Variants in C1orf21 observed in about 807,000 individuals in gnomAD.
C1orf21 encodes uncharacterized protein C1orf21.
A neutral mutation model predicts 18.7 loss-of-function variants in C1orf21; 3 were observed. The observed-to-expected ratio is 0.16, with a 90% CI of 0.07 to 0.42. C1orf21 has a LOEUF of 0.42. Among genes scored for constraint, C1orf21 ranks in the 10% least tolerant of loss-of-function variants. C1orf21 has a pLI of 0.99. For missense variants in C1orf21, 104 were observed against 143.6 expected (o/e 0.72, Z 1.41); for synonymous variants, 41 against 46.4 (o/e 0.88, Z 0.47).
chr1:184,589,939 C>G (rs1156962253), intron 3 of C1orf21, among the ~76,000 whole-genome samples: 1 of 152,176 alleles, frequency 6.6e-6, no homozygotes, highest in East Asian at 1.9e-4. Context: ...TTAATTGTGG[C>G]CTTACCTCAA....
intron 3 of C1orf21, among the ~76,000 whole-genome samples, chr1:184,554,973 C>A (rs529789480): frequency 6.6e-6 from 1 of 152,252 alleles, no homozygotes; most frequent in South Asian, 2.1e-4. Flanking sequence ...GCTAGAGTAG[C>A]CTCTATCAGC....
At chr1:184,566,839 C>A in intron 3 of C1orf21, 3 of 484,620 alleles carry the variant, frequency 6.2e-6, no homozygotes, top group Non-Finnish European at 8.4e-6. Flanking sequence ...TAGAGTCTCA[C>A]ATCCAAATGC....
chr1:184,390,955 G>C (rs1051525268), intron 1 of C1orf21, among the ~76,000 whole-genome samples: 1 of 152,154 alleles, frequency 6.6e-6, no homozygotes. Flanking sequence ...GAAAGATTGC[G>C]ACAGTGAAAC....
chr1:184,427,385 A>G (rs1656658832), intron 1 of C1orf21, among the ~76,000 whole-genome samples: 1 of 152,186 alleles, frequency 6.6e-6, no homozygotes, highest in South Asian at 2.1e-4. Context: ...GTGGAGCCCT[A>G]AAGATTTCTC....
chr1:184,529,579 GATGTATCAT>G (rs1658427830), intron 3 of C1orf21, among the ~76,000 whole-genome samples: 1 of 152,230 alleles, frequency 6.6e-6, no homozygotes, highest in South Asian at 2.1e-4. Context: ...AAAATCTGGA[GATGTATCAT>G]ATTGGATCAT....
chr1:184,438,694 A>G (rs1490566121), intron 1 of C1orf21, among the ~76,000 whole-genome samples: 5 of 152,138 alleles, frequency 3.3e-5, no homozygotes, highest in Non-Finnish European at 2.9e-5. Context: ...CTTCCTCACT[A>G]GGTTCCATGC....
At chr1:184,617,062 T>G (rs1440803853) in intron 5 of C1orf21, among the ~76,000 whole-genome samples, 1 of 152,092 alleles carries the variant, frequency 6.6e-6, no homozygotes, top group Non-Finnish European at 1.5e-5. Flanking sequence ...AACACAGAGT[T>G]TATAATAACA....
rs1016212192 is a variant in C1orf21, at chr1:184,622,165, G to A, written c.*2609G>A. The A allele has an allele frequency of 1.3e-5, 2 of 152,166 alleles. No individual in the cohort carries two copies. Among genetic ancestry groups the A allele is most frequent in the Admixed American group, 1.3e-4 (2 of 15,278 alleles). The allele number at this position is 152,166 out of a possible 1,614,324, so 9.4% of individuals were successfully genotyped here. On this transcript the variant is annotated 3_prime_UTR_variant, in exon 6 of 6. Transcript: ENST00000235307. ...CAATGAAAAGGATAATCCAATGTACGTGCTGGTGCACTCTGCTAGTTGTTA... is the reference window on the plus strand; with the variant it reads ...CAATGAAAAGGATAATCCAATGTACATGCTGGTGCACTCTGCTAGTTGTTA...
chr1:184,419,780 AACAGCCAGTG>A (rs1446377250), intron 1 of C1orf21, among the ~76,000 whole-genome samples: 1 of 152,160 alleles, frequency 6.6e-6, no homozygotes, highest in African/African-American at 2.4e-5. Context: ...CAGGCCAGGG[AACAGCCAGTG>A]CAGAGAGAGT....
chr1:184,548,250 C>T (rs1658755643), intron 3 of C1orf21, among the ~76,000 whole-genome samples: 1 of 149,994 alleles, frequency 6.7e-6, no homozygotes, highest in Non-Finnish European at 1.5e-5. Flanking sequence ...CACACACACA[C>T]ACACACTCAC....
At chr1:184,489,176 A>G (rs1490877498) in intron 2 of C1orf21, among the ~76,000 whole-genome samples, 2 of 152,188 alleles carry the variant, frequency 1.3e-5, no homozygotes, top group Non-Finnish European at 2.9e-5. Flanking sequence ...CAAATGTCAA[A>G]CTGAGAATAA....
chr1:184,581,380 A>C (rs896606837), intron 3 of C1orf21, among the ~76,000 whole-genome samples: 2 of 151,734 alleles, frequency 1.3e-5, no homozygotes, highest in African/African-American at 2.4e-5. Flanking sequence ...CAGTGAGCCG[A>C]GATTGTGCCA....
intron 1 of C1orf21, among the ~76,000 whole-genome samples, chr1:184,417,595 T>G (rs1277214586): frequency 6.6e-6 from 1 of 152,260 alleles, no homozygotes; most frequent in African/African-American, 2.4e-5. Flanking sequence ...TGTTTGTGTG[T>G]AATCTAACTT....
chr1:184,436,605 C>T (rs1656862472), intron 1 of C1orf21, among the ~76,000 whole-genome samples: 1 of 152,128 alleles, frequency 6.6e-6, no homozygotes, highest in Non-Finnish European at 1.5e-5. Context: ...GCCACTTATT[C>T]CTCACTGAAT....
chr1:184,581,153 G>A (rs974646001), intron 3 of C1orf21, among the ~76,000 whole-genome samples: 3 of 152,098 alleles, frequency 2.0e-5, no homozygotes, highest in Non-Finnish European at 2.9e-5. Flanking sequence ...TTGGCTGGGC[G>A]AGGTGGCTCA....
chr1:184,434,031 C>T (rs987472261), intron 1 of C1orf21, among the ~76,000 whole-genome samples: 5 of 152,132 alleles, frequency 3.3e-5, no homozygotes, highest in Admixed American at 6.6e-5. Context: ...GCTCTTAAAA[C>T]CCCTGATTCT....
At chr1:184,394,911 A>G (rs1656026952) in intron 1 of C1orf21, among the ~76,000 whole-genome samples, 1 of 152,194 alleles carries the variant, frequency 6.6e-6, no homozygotes, top group Admixed American at 6.5e-5. Flanking sequence ...GGTTTGTGCC[A>G]GGAATCCATG....
At position 184,619,718 on chromosome 1, in the gene C1orf21, C is replaced by A; in HGVS notation, c.*162C>A. 1.8e-6 allele frequency: 1 copy of A among 541,034 alleles called. No individual in the cohort carries two copies. Among genetic ancestry groups the A allele is most frequent in the Admixed American group, 3.7e-5 (1 of 26,870 alleles). The allele number at this position is 541,034 out of a possible 1,614,324, so 33.5% of individuals were successfully genotyped here. On this transcript the variant is annotated 3_prime_UTR_variant, in exon 6 of 6. Transcript: ENST00000235307. ...TTAAATTACAGTGTTTCTTAATGAA[C>A]TTGCAAAGGAATATTGCTAAAAACA...
At chr1:184,487,356 G>C (rs1413768275) in intron 2 of C1orf21, among the ~76,000 whole-genome samples, 1 of 152,176 alleles carries the variant, frequency 6.6e-6, no homozygotes, top group Non-Finnish European at 1.5e-5. Flanking sequence ...CCCCTGAACC[G>C]TTACAACTTG....
Sources: allele counts gnomAD v4.1 joint callset (sites outside exome capture counted in the v4.1 genomes callset), GRCh38; gene constraint gnomAD v4.1.1; transcripts MANE v1.5; gene names NCBI Gene and HGNC (gene_info 2026-07-23, HGNC 2026-07-21).